The following VAMP3 variants were observed in gnomAD, a reference collection of about 807,000 sequenced individuals.
VAMP3 encodes vesicle-associated membrane protein 3.
In VAMP3, 11 loss-of-function variants were observed where a neutral mutation model predicts 18.1. The ratio of observed to expected loss-of-function variants is 0.61; its 90% confidence interval spans 0.38 to 1.00. VAMP3 has a LOEUF of 1.00. VAMP3 is among the 50% of genes least tolerant of loss of function. VAMP3 has a pLI of 0.01. For synonymous variants in VAMP3, 49 were observed against 43.1 expected, an observed-to-expected ratio of 1.14 and a Z score of -0.53; for missense variants, 122 against 127.3, an observed-to-expected ratio of 0.96 and a Z score of 0.20.
chr1:7,773,162 T>C (rs1360215264), intron 1 of VAMP3: 6 of 386,770 alleles, frequency 1.6e-5, no homozygotes, highest in Non-Finnish European at 2.8e-5. Flanking sequence ...ACAGTAGAGC[T>C]TACCTATCGT....
At chr1:7,772,102 C>T (rs2097051402) in intron 1 of VAMP3, among the ~76,000 whole-genome samples, 1 of 152,216 alleles carries the variant, frequency 6.6e-6, no homozygotes, top group African/African-American at 2.4e-5. Context: ...AGCCAAGGTA[C>T]ACAGGACCTG....
chr1:7,773,407 T>C, intron 1 of VAMP3, 35 bp from the exon 2 acceptor site: 1 of 1,570,200 alleles, frequency 6.4e-7, no homozygotes, highest in East Asian at 2.2e-5. Flanking sequence ...TTTGGAATCG[T>C]AATGTACTCA....
rs2097054717 is a variant in VAMP3, at chr1:7,777,190, A to G, written c.103A>G (p.Lys35Glu). Residue 35 changes from lysine to glutamate, a missense_variant, in exon 3 of 5, where the codon AAG becomes GAG. Physicochemically the swap from Lys to Glu is moderately conservative, Grantham distance 56 (BLOSUM62 1). Transcript: ENST00000054666. ...GGACATAATGCGAGTTAACGTGGAC[A>G]AGGTTCTGGAAAGAGACCAGAAGCT... The part of the protein sequence containing the change: ...VVDIMRVNVD[K>E]VLERDQKLSE... The G allele has an allele frequency of 6.2e-7, 1 of 1,613,256 alleles. No homozygotes were observed. The highest frequency in any genetic ancestry group is 8.5e-7 in the Non-Finnish European group (1 of 1,179,638).
chr1:7,774,818 G>A (rs57109982), intron 2 of VAMP3, among the ~76,000 whole-genome samples: 4 of 152,188 alleles, frequency 2.6e-5, no homozygotes, highest in Admixed American at 1.3e-4. Flanking sequence ...ATGAGTCTTC[G>A]AGTTGTTTCC....
chr1:7,779,022 C>A (rs540216692), intron 4 of VAMP3, among the ~76,000 whole-genome samples: 16 of 152,072 alleles, frequency 1.1e-4, no homozygotes, highest in African/African-American at 3.9e-4. Flanking sequence ...GGTGAAACCC[C>A]GTCTCTACTA....
chr1:7,778,032 T>C (rs987150879), intron 3 of VAMP3, 86 bp from the exon 4 acceptor site: 2 of 1,432,304 alleles, frequency 1.4e-6, no homozygotes, highest in African/African-American at 2.8e-5. Context: ...TCCCTTTCAG[T>C]GACTAGATGA....
chr1:7,777,104 C>T, intron 2 of VAMP3, 56 bp from the exon 3 acceptor site: 1 of 1,557,992 alleles, frequency 6.4e-7, no homozygotes, highest in South Asian at 1.2e-5. Context: ...AGCCACCGCA[C>T]CTGGCCCTGT....
intron 1 of VAMP3, 61 bp downstream of exon 1, chr1:7,771,446 A>G (rs2097050554): frequency 6.7e-7 from 1 of 1,487,754 alleles, no homozygotes. Context: ...TCGCGCTGGG[A>G]CCGCCATACT....
chr1:7,779,594 C>T (rs1212900499), intron 4 of VAMP3, 32 bp from the exon 5 acceptor site: 1 of 1,614,032 alleles, frequency 6.2e-7, no homozygotes, highest in Non-Finnish European at 8.5e-7. Context: ...CTGCTGTTTC[C>T]CCTGCCTTTT....
intron 2 of VAMP3, among the ~76,000 whole-genome samples, chr1:7,774,506 T>G (rs1450631698): frequency 1.3e-5 from 2 of 152,216 alleles, no homozygotes; most frequent in Non-Finnish European, 2.9e-5. Flanking sequence ...CTTTCCATTT[T>G]CAGAACTTTT....
At position 7,781,159 on chromosome 1, in the gene VAMP3, C is replaced by A. The variant is rs2097056963; in HGVS notation, c.*1514C>A. ...TCTTTAACGTCTGTTCCCTTAACAT[C>A]GCTGAAATGATTTACTGTTGAAGAG... On this transcript the variant is annotated 3_prime_UTR_variant, in exon 5 of 5. Transcript: ENST00000054666. 6.5e-6 allele frequency: 1 copy of A among 152,818 alleles called. No individual in the cohort carries two copies. The highest frequency in any genetic ancestry group is 6.5e-5 in the Admixed American group (1 of 15,278). The allele number at this position is 152,818 out of a possible 1,614,324, so 9.5% of individuals were successfully genotyped here.
At position 7,779,717 on chromosome 1, in the gene VAMP3, A is replaced by G; in HGVS notation, c.*72A>G. ...CTTTTGACTTAGAACCTGCTATATT[A>G]TCAAGCTTACCTACTGTTATCTCTA... On this transcript the variant is annotated 3_prime_UTR_variant, in exon 5 of 5. Coordinates refer to ENST00000054666, the MANE Select transcript of VAMP3 (RefSeq NM_004781.4). 6.9e-6 allele frequency: 11 copies of G among 1,603,412 alleles called. No homozygotes were observed. Among genetic ancestry groups the G allele is most frequent in the Non-Finnish European group, 9.4e-6 (11 of 1,171,888 alleles).
In VAMP3 at chr1:7,778,160, A is replaced by G; in HGVS notation, c.274A>G (p.Ile92Val). ...GITVLVIFII[I>V]IIVWVVSS ...TACTGTTCTGGTTATCTTCATCATC[A>G]TCATCATCGGTGAGTTACCCTTTTC... Residue 92 changes from isoleucine (I) to valine (V), a missense_variant, in exon 4 of 5, where the codon ATC becomes GTC. Transcript: ENST00000054666. The G allele has an allele frequency of 6.2e-7, 1 of 1,614,192 alleles. No individual in the cohort carries two copies. Among genetic ancestry groups the G allele is most frequent in the Non-Finnish European group, 8.5e-7 (1 of 1,180,028 alleles).
At chr1:7,775,390 G>A (rs750146483) in intron 2 of VAMP3, among the ~76,000 whole-genome samples, 4 of 148,628 alleles carry the variant, frequency 2.7e-5, no homozygotes, top group East Asian at 2.0e-4. Context: ...CTCTGTTGCC[G>A]AGGCTGGAGT....
At chr1:7,777,409 T>C in intron 3 of VAMP3, 91 bp downstream of exon 3, 2 of 1,466,990 alleles carry the variant, frequency 1.4e-6, no homozygotes, top group Non-Finnish European at 1.8e-6. Context: ...TTCACGACTC[T>C]GGGAGGTGGG....
intron 1 of VAMP3, among the ~76,000 whole-genome samples, chr1:7,772,278 A>G (rs1160612981): frequency 6.6e-6 from 1 of 152,204 alleles, no homozygotes; most frequent in Admixed American, 6.5e-5. Context: ...TATCTACCAG[A>G]TACTAAACTC....
At chr1:7,775,557 C>T (rs1422702908) in intron 2 of VAMP3, among the ~76,000 whole-genome samples, 2 of 152,170 alleles carry the variant, frequency 1.3e-5, no homozygotes, top group South Asian at 2.1e-4. Flanking sequence ...CCATTTTGGT[C>T]AGGCTGGTCT....
chr1:7,778,042 A>T, intron 3 of VAMP3, 76 bp from the exon 4 acceptor site: 1 of 1,497,228 alleles, frequency 6.7e-7, no homozygotes, highest in South Asian at 1.1e-5. Context: ...TGACTAGATG[A>T]ATATTATATA....
Position 7,777,193 on chromosome 1 carries a change from G to A in VAMP3, c.106G>A (p.Val36Ile). 2 of 1,613,616 alleles carry A rather than the reference G, an allele frequency of 1.2e-6. No homozygotes were observed. Among genetic ancestry groups the A allele is most frequent in the Non-Finnish European group, 1.7e-6 (2 of 1,179,820 alleles). Residue 36 changes from valine (V) to isoleucine (I), a missense_variant, in exon 3 of 5, where the codon GTT becomes ATT. Transcript: ENST00000054666. The part of the protein sequence containing the change: ...VDIMRVNVDK[V>I]LERDQKLSEL... Reference sequence around the variant, plus strand: ...CATAATGCGAGTTAACGTGGACAAGGTTCTGGAAAGAGACCAGAAGCTCTC... The same window carrying A: ...CATAATGCGAGTTAACGTGGACAAGATTCTGGAAAGAGACCAGAAGCTCTC...
Sources: gnomAD v4.1 joint callset for allele counts (sites outside exome capture counted in the v4.1 genomes callset) on GRCh38, gnomAD v4.1.1 for gene constraint, MANE v1.5 for transcripts, NCBI Gene and HGNC (gene_info 2026-07-23, HGNC 2026-07-21) for gene names.